The following KNDC1 variants were observed in gnomAD, a reference collection of about 807,000 sequenced individuals.
KNDC1 encodes the protein kinase non-catalytic C-lobe domain containing 1, also known as kinase non-catalytic C-lobe domain-containing protein 1.
A neutral mutation model predicts 172.8 loss-of-function variants in KNDC1; 106 were observed. The observed-to-expected ratio is 0.61, with a 90% CI of 0.52 to 0.72. The LOEUF is 0.72. Among genes scored for constraint, KNDC1 ranks in the 30% least tolerant of loss-of-function variants. The pLI is 0.00. For missense variants in KNDC1, 2,325 were observed against 2,394.5 expected (o/e 0.97, Z 0.61); for synonymous variants, 1,083 against 1,062.2 (o/e 1.02, Z -0.38).
Position 133,199,251 on chromosome 10 carries a change from G to A in KNDC1, c.2743G>A (p.Glu915Lys), listed in dbSNP as rs939997628. 2 of 1,561,522 alleles carry A rather than the reference G, an allele frequency of 1.3e-6. No homozygotes were observed. Among genetic ancestry groups the A allele is most frequent in the East Asian group, 2.3e-5 (1 of 43,086 alleles). Residue 915 changes from glutamate to lysine, a missense_variant, in exon 14 of 30, where the codon GAG becomes AAG. By Grantham distance (56) the Glu-to-Lys change is moderately conservative. Transcript: ENST00000304613. ...CGATGGCTACCTGGACAATGGGCTG[G>A]AGGCTCTGATCATGGGTACGTGGGG... is the stretch of plus-strand genomic sequence containing the variant. ...AFDGYLDNGLEALIMGEYIFA... is the reference protein window; with the variant it reads ...AFDGYLDNGLKALIMGEYIFA...
At position 133,198,938 on chromosome 10, in the gene KNDC1, C is replaced by T; in HGVS notation, c.2430C>T (p.Gly810=). Residue 810 remains glycine (G), a synonymous_variant, in exon 14 of 30, where the codon GGC becomes GGT. Transcript: ENST00000304613. ...EPIPPGVASG[G]LRPDALGPTT... ...TCCCACCTGGAGTTGCTTCCGGGGG[C>T]CTCAGGCCCGACGCCCTGGGGCCCA... The T allele has an allele frequency of 6.4e-7, 1 of 1,557,286 alleles. No individual in the cohort carries two copies. Among genetic ancestry groups the T allele is most frequent in the Non-Finnish European group, 8.6e-7 (1 of 1,156,404 alleles).
intron 9 of KNDC1, 142 bp from the exon 10 acceptor site, chr10:133,195,521 G>C (rs1412850453): frequency 7.0e-6 from 5 of 716,802 alleles, no homozygotes; most frequent in Non-Finnish European, 8.2e-6. Context: ...GGGCCTGATA[G>C]ATGCTGAGGA....
At chr10:133,219,212 C>G in intron 28 of KNDC1, 122 bp downstream of exon 28, 1 of 1,228,200 alleles carries the variant, frequency 8.1e-7, no homozygotes, top group Non-Finnish European at 1.1e-6. Flanking sequence ...GGTGGCCCAG[C>G]CAGGGTGGCC....
intron 17 of KNDC1, among the ~76,000 whole-genome samples, chr10:133,203,816 C>G (rs781321271): frequency 6.6e-6 from 1 of 152,208 alleles, no homozygotes; most frequent in Non-Finnish European, 1.5e-5. Flanking sequence ...CAGTCAAGAC[C>G]GTCCTCCTCA....
At chr10:133,210,773 G>C (rs1845348284) in intron 21 of KNDC1, 49 bp downstream of exon 21, 1 of 1,480,086 alleles carries the variant, frequency 6.8e-7, no homozygotes, top group Non-Finnish European at 9.5e-7. Context: ...CCCTGGGGCA[G>C]GGTGGGCGCC....
At position 133,167,607 on chromosome 10, in the gene KNDC1, C is replaced by G. The variant is rs374692247; in HGVS notation, c.301+28C>G. The G allele has an allele frequency of 9.4e-5, 146 of 1,551,988 alleles. 3 individuals carry two copies. The South Asian group carries it at 1.7e-3, about 18-fold the overall frequency. ...GAGGCGGCGGTGGCGGTGGCGGCGGCGGCGGGCACGCGGGGTGGAGGTGCC... is the reference window on the plus strand; with the variant it reads ...GAGGCGGCGGTGGCGGTGGCGGCGGGGGCGGGCACGCGGGGTGGAGGTGCC... On this transcript the variant is annotated intron_variant, in intron 2 of 29. Transcript: ENST00000304613.
At chr10:133,160,624 A>G (rs1852934643) in intron 1 of KNDC1, 55 bp downstream of exon 1, 9 of 1,315,898 alleles carry the variant, frequency 6.8e-6, no homozygotes, top group Non-Finnish European at 9.4e-6. Flanking sequence ...GTCCGCGGAG[A>G]GCGCCCGGGG....
At chr10:133,173,003 T>C (rs1215916248) in intron 3 of KNDC1, among the ~76,000 whole-genome samples, 1 of 152,170 alleles carries the variant, frequency 6.6e-6, no homozygotes, top group Non-Finnish European at 1.5e-5. Context: ...ACGCCACTTC[T>C]TAAAAAAATA....
chr10:133,210,092 G>A (rs1286452066), intron 20 of KNDC1, among the ~76,000 whole-genome samples: 1 of 152,112 alleles, frequency 6.6e-6, no homozygotes, highest in African/African-American at 2.4e-5. Flanking sequence ...GTTCAGAAAG[G>A]CCCTGGTGTT....
chr10:133,177,018 G>T (rs141616378), intron 3 of KNDC1, among the ~76,000 whole-genome samples: 1 of 152,196 alleles, frequency 6.6e-6, no homozygotes, highest in African/African-American at 2.4e-5. Flanking sequence ...CTGCTGCCCT[G>T]CATGGCAGCT....
rs762583155 is a variant in KNDC1 at position 133,198,347 on chromosome 10, G to A, written c.1917G>A (p.Pro639=). 64 of 1,581,302 alleles carry A rather than the reference G, an allele frequency of 4.0e-5. No homozygotes were observed. The Admixed American group carries it at 5.4e-4, about 13-fold the overall frequency. ...CCCCTGGCTCCCCAGGCTTCCTGCC[G>A]GTGAACAGCGACACCGGGCTTGTGG... The part of the protein sequence containing the change: ...PAPEPSPGFL[P]VNSDTGLVAV... Residue 639 remains proline, a synonymous_variant, in exon 13 of 30, where the codon CCG becomes CCA. Transcript: ENST00000304613.
At chr10:133,165,753 C>T (rs778698862) in intron 1 of KNDC1, among the ~76,000 whole-genome samples, 3 of 152,164 alleles carry the variant, frequency 2.0e-5, no homozygotes, top group East Asian at 1.9e-4. Flanking sequence ...GCCTCACAGG[C>T]GTCGCTGGGA....
rs562595197 is a variant in KNDC1 at position 133,214,548 on chromosome 10, G to C, written c.4677+426G>C. 2.0e-4 allele frequency among the ~76,000 whole-genome samples: 30 copies of C among 152,208 alleles called. No individual in the cohort carries two copies. In the East Asian group the frequency reaches 5.6e-3, roughly 28 times the overall value. ...CAGAGTCCCTCACGCACCACCCCCA[G>C]CACTGGGCTCCGCCACACACCCCAC... is the stretch of plus-strand genomic sequence containing the variant. On this transcript the variant is annotated intron_variant, in intron 26 of 29. Transcript: ENST00000304613.
intron 3 of KNDC1, among the ~76,000 whole-genome samples, chr10:133,169,922 A>C (rs1163345797): frequency 6.6e-6 from 1 of 152,132 alleles, no homozygotes; most frequent in Non-Finnish European, 1.5e-5. Flanking sequence ...TGGGACTCGC[A>C]TTCCTTCATT....
rs1327887001 is a variant in KNDC1 at position 133,214,092 on chromosome 10, T to C, written c.4647T>C (p.Ala1549=). 5 of 1,613,990 alleles carry C rather than the reference T, an allele frequency of 3.1e-6. No homozygotes were observed. Among genetic ancestry groups the C allele is most frequent in the African/African-American group, 1.3e-5 (1 of 74,934 alleles). The part of the protein sequence containing the change: ...RNADDVSTWV[A]AEIVTSHTSK... The stretch of plus-strand genomic sequence containing the variant: ...CAGATGACGTCAGCACCTGGGTGGC[T>C]GCAGAGATTGTGACCAGCCACACCT... Residue 1549 remains alanine (A), a synonymous_variant, in exon 26 of 30, where the codon GCT becomes GCC. Coordinates refer to ENST00000304613, the MANE Select transcript of KNDC1 (RefSeq NM_152643.8).
chr10:133,182,186 T>G (rs142877568), intron 3 of KNDC1, among the ~76,000 whole-genome samples: 1 of 152,298 alleles, frequency 6.6e-6, no homozygotes, highest in Non-Finnish European at 1.5e-5. Context: ...GAAGACTGGA[T>G]GCTCCGCTGG....
intron 21 of KNDC1, among the ~76,000 whole-genome samples, chr10:133,211,215 C>T (rs1482609944): frequency 2.6e-5 from 4 of 151,088 alleles, no homozygotes; most frequent in African/African-American, 7.3e-5. Context: ...ACCCCCTTGC[C>T]CCCACACGCC....
chr10:133,192,740 A>C (rs1854095711), intron 9 of KNDC1, among the ~76,000 whole-genome samples: 1 of 152,238 alleles, frequency 6.6e-6, no homozygotes, highest in Non-Finnish European at 1.5e-5. Context: ...GAAATTACAC[A>C]GTTTGGACAA....
In KNDC1 at chr10:133,198,571, C is replaced by A; in HGVS notation, c.2070-7C>A. The A allele has an allele frequency of 6.3e-7, 1 of 1,583,266 alleles. No homozygotes were observed. Among genetic ancestry groups the A allele is most frequent in the Non-Finnish European group, 8.6e-7 (1 of 1,162,776 alleles). On this transcript the variant is annotated splice_polypyrimidine_tract_variant and splice_region_variant and intron_variant, in intron 13 of 29. Transcript: ENST00000304613. ...GCAGCCCCTCCTGAGCTCTGCTCCT[C>A]CCGTAGGGACCAGCCTGCCTTGGCC...
Sources: gnomAD v4.1 joint callset for allele counts (sites outside exome capture counted in the v4.1 genomes callset) on GRCh38, gnomAD v4.1.1 for gene constraint, MANE v1.5 for transcripts, NCBI Gene and HGNC (gene_info 2026-07-23, HGNC 2026-07-21) for gene names.